Variants in SLC24A2 observed in about 807,000 individuals in gnomAD.
SLC24A2 encodes solute carrier family 24 member 2.
SLC24A2 carries 36 observed loss-of-function variants against 62.0 expected under a neutral mutation model. That is an observed-to-expected ratio of 0.58 (90% CI 0.44 to 0.77). The LOEUF (loss-of-function observed/expected upper bound fraction) is 0.77, where lower values mean the gene tolerates loss of function less well. Among genes scored for constraint, SLC24A2 ranks in the 30% least tolerant of loss-of-function variants. The pLI is 0.00. For synonymous variants in SLC24A2, 358 were observed against 294.0 expected (o/e 1.22, Z -2.23); for missense variants, 846 against 817.9 (o/e 1.03, Z -0.42).
At chr9:20,148,666 G>GTGTC in the SLC24A2 span, among the ~76,000 whole-genome samples, 7 of 152,230 alleles carry the variant, frequency 4.6e-5, no homozygotes, top group South Asian at 1.5e-3. Context: ...TGCATGTGAT[G>GTGTC]TGTCTCTCAT....
At chr9:20,009,766 C>T in the SLC24A2 span, among the ~76,000 whole-genome samples, 1 of 152,162 alleles carries the variant, frequency 6.6e-6, no homozygotes. Context: ...GGGGAGGGAG[C>T]ATCTGGCCCT....
At chr9:19,690,747 T>C (rs1409984309) in intron 2 of SLC24A2, among the ~76,000 whole-genome samples, 1 of 152,148 alleles carries the variant, frequency 6.6e-6, no homozygotes, top group East Asian at 1.9e-4. Flanking sequence ...TTCTGTAGGC[T>C]TTTATATATT....
At chr9:19,593,796 A>G (rs951686094) in intron 5 of SLC24A2, among the ~76,000 whole-genome samples, 2 of 152,250 alleles carry the variant, frequency 1.3e-5, no homozygotes, top group African/African-American at 4.8e-5. Context: ...GGTCTGCATC[A>G]CCACTTATCA....
the SLC24A2 span, among the ~76,000 whole-genome samples, chr9:19,836,006 TAAA>T: frequency 2.0e-5 from 3 of 152,034 alleles, no homozygotes; most frequent in African/African-American, 7.3e-5. Flanking sequence ...AAGGCAGAAA[TAAA>T]GAAGTTCTTT....
intron 4 of SLC24A2, among the ~76,000 whole-genome samples, chr9:19,605,918 G>A (rs1836970588): frequency 6.6e-6 from 1 of 152,236 alleles, no homozygotes. Flanking sequence ...AAACCAAGGT[G>A]GCTGGCTCCT....
chr9:19,961,805 G>T, the SLC24A2 span, among the ~76,000 whole-genome samples: 1 of 152,144 alleles, frequency 6.6e-6, no homozygotes, highest in Non-Finnish European at 1.5e-5. Flanking sequence ...TGTGAGCAGC[G>T]CCATGGGAAG....
chr9:19,689,206 T>C (rs1458653908), intron 2 of SLC24A2, among the ~76,000 whole-genome samples: 1 of 152,160 alleles, frequency 6.6e-6, no homozygotes, highest in Non-Finnish European at 1.5e-5. Context: ...ACAGCTTTCT[T>C]GGCTCCTTAG....
intron 7 of SLC24A2, among the ~76,000 whole-genome samples, chr9:19,563,293 C>T (rs1297605453): frequency 2.0e-5 from 3 of 152,142 alleles, no homozygotes; most frequent in South Asian, 4.1e-4. Flanking sequence ...TTATACTTCA[C>T]TGATGTTCCA....
the SLC24A2 span, among the ~76,000 whole-genome samples, chr9:20,012,729 C>T: frequency 1.3e-5 from 2 of 151,596 alleles, no homozygotes; most frequent in Non-Finnish European, 2.9e-5. Context: ...TTTTACATAC[C>T]AATAATGAAC....
At chr9:20,289,289 GCTT>G in the SLC24A2 span, among the ~76,000 whole-genome samples, 2 of 152,134 alleles carry the variant, frequency 1.3e-5, no homozygotes, top group African/African-American at 2.4e-5. Flanking sequence ...TTTAGAGTTT[GCTT>G]CTTGCACTCT....
the SLC24A2 span, among the ~76,000 whole-genome samples, chr9:19,826,659 G>A: frequency 6.6e-6 from 1 of 152,278 alleles, no homozygotes; most frequent in Admixed American, 6.5e-5. Context: ...GGATCCGAAG[G>A]AGTGAACTCA....
chr9:19,544,531 T>C (rs1563949862), intron 8 of SLC24A2, among the ~76,000 whole-genome samples: 1 of 152,194 alleles, frequency 6.6e-6, no homozygotes, highest in African/African-American at 2.4e-5. Context: ...GTGTTGATGG[T>C]CTTTACAATT....
At chr9:20,169,783 C>A in the SLC24A2 span, among the ~76,000 whole-genome samples, 2 of 151,812 alleles carry the variant, frequency 1.3e-5, no homozygotes, top group Non-Finnish European at 2.9e-5. Flanking sequence ...TTTGACACCC[C>A]CCCAAAAAAT....
the SLC24A2 span, among the ~76,000 whole-genome samples, chr9:19,896,196 A>G: frequency 6.6e-6 from 1 of 152,228 alleles, no homozygotes; most frequent in Non-Finnish European, 1.5e-5. Context: ...ATTAATTAGC[A>G]TGTTGAAAAA....
chr9:19,814,229 A>G, the SLC24A2 span, among the ~76,000 whole-genome samples: 1 of 152,146 alleles, frequency 6.6e-6, no homozygotes, highest in African/African-American at 2.4e-5. Context: ...TTGAATGACA[A>G]TATGCCAAAT....
chr9:19,564,766 T>G (rs1446994861), intron 7 of SLC24A2, among the ~76,000 whole-genome samples: 1 of 152,200 alleles, frequency 6.6e-6, no homozygotes, highest in African/African-American at 2.4e-5. Flanking sequence ...AAAAGTTGAA[T>G]TTTTAGATTT....
the SLC24A2 span, among the ~76,000 whole-genome samples, chr9:19,974,616 C>T: frequency 5.3e-5 from 8 of 152,136 alleles, no homozygotes; most frequent in Admixed American, 2.0e-4. Context: ...TTTTAGGCAA[C>T]ATTGGAAACA....
At chr9:19,849,292 T>G in the SLC24A2 span, among the ~76,000 whole-genome samples, 1 of 152,150 alleles carries the variant, frequency 6.6e-6, no homozygotes, top group Non-Finnish European at 1.5e-5. Context: ...ATAGAATAAA[T>G]CCTATGAAGA....
In SLC24A2 at chr9:19,573,529, C is replaced by CACAGAGAG. The variant is rs1390433234; in HGVS notation, c.1229-61_1229-60insCTCTCTGT. The CACAGAGAG allele has an allele frequency of 2.3e-5, 10 of 432,634 alleles. No homozygotes were observed. The East Asian group carries it at 5.8e-4, about 25-fold the overall frequency. 26.8% of individuals were successfully genotyped at this position (432,634 alleles called of 1,614,324 possible). ...ACACACACACACACACACACACACA[C>CACAGAGAG]AGAGAGAGAGAGAGAGAGAGAGAGA... is the stretch of plus-strand genomic sequence containing the variant. On this transcript the variant is annotated intron_variant, in intron 6 of 10. Coordinates refer to ENST00000341998, the MANE Select transcript of SLC24A2 (RefSeq NM_020344.4).
Sources: gnomAD v4.1 joint callset for allele counts (sites outside exome capture counted in the v4.1 genomes callset) on GRCh38, gnomAD v4.1.1 for gene constraint, MANE v1.5 for transcripts, NCBI Gene and HGNC (gene_info 2026-07-23, HGNC 2026-07-21) for gene names.